CDKAL1: variants seen among roughly 807,000 people sequenced by gnomAD.
The protein encoded by CDKAL1 is CDKAL1 threonylcarbamoyladenosine tRNA methylthiotransferase, also known as threonylcarbamoyladenosine tRNA methylthiotransferase.
In CDKAL1, 32 loss-of-function variants were observed where a neutral mutation model predicts 68.2. That is an observed-to-expected ratio of 0.47 (90% CI 0.35 to 0.63). The LOEUF (loss-of-function observed/expected upper bound fraction) is 0.63, where lower values mean the gene tolerates loss of function less well. Ranked by LOEUF, CDKAL1 falls within the 30% of genes least tolerant of loss-of-function variation. CDKAL1 has a pLI of 0.00. For synonymous variants in CDKAL1, 234 were observed against 244.3 expected (o/e 0.96, Z 0.39); for missense variants, 606 against 696.7 (o/e 0.87, Z 1.47).
At chr6:21,144,368 G>A (rs10498701) in intron 13 of CDKAL1, among the ~76,000 whole-genome samples, 33,828 of 152,080 alleles carry the variant, frequency 0.22, 4,036 homozygotes, top group Non-Finnish European at 0.27. Context: ...ATGAACAACT[G>A]TTTTTAAAGC....
intron 5 of CDKAL1, among the ~76,000 whole-genome samples, chr6:20,686,333 A>G (rs1362329707): frequency 1.3e-5 from 2 of 152,030 alleles, no homozygotes; most frequent in East Asian, 1.9e-4. Flanking sequence ...ATCTGTGTTT[A>G]CAGCTGCTCC....
At chr6:20,594,746 C>G (rs1561951428) in intron 4 of CDKAL1, among the ~76,000 whole-genome samples, 1 of 152,076 alleles carries the variant, frequency 6.6e-6, no homozygotes, top group African/African-American at 2.4e-5. Context: ...TTATTTTGCC[C>G]ATTAGTTGAT....
At chr6:21,119,140 C>T (rs1303851711) in intron 13 of CDKAL1, among the ~76,000 whole-genome samples, 3 of 152,154 alleles carry the variant, frequency 2.0e-5, no homozygotes, top group Non-Finnish European at 4.4e-5. Flanking sequence ...CTTTCCTCCC[C>T]TCCCTTCCTC....
chr6:20,952,180 G>A (rs755395223), intron 9 of CDKAL1, among the ~76,000 whole-genome samples: 12 of 151,836 alleles, frequency 7.9e-5, no homozygotes, highest in Non-Finnish European at 1.8e-4. Context: ...GGATGGTCTC[G>A]ATCTCCTGAC....
At chr6:20,911,534 A>G (rs1002451082) in intron 9 of CDKAL1, among the ~76,000 whole-genome samples, 2 of 152,236 alleles carry the variant, frequency 1.3e-5, no homozygotes, top group African/African-American at 4.8e-5. Context: ...CATGAATTTT[A>G]CCAAGAATTA....
intron 8 of CDKAL1, among the ~76,000 whole-genome samples, chr6:20,845,788 G>A (rs1778354364): frequency 1.3e-5 from 2 of 152,166 alleles, no homozygotes; most frequent in Admixed American, 1.3e-4. Flanking sequence ...ATTAGTCATT[G>A]TAAGCATTTT....
intron 2 of CDKAL1, among the ~76,000 whole-genome samples, chr6:20,538,847 T>C (rs2127644401): frequency 6.6e-6 from 1 of 152,352 alleles, no homozygotes; most frequent in African/African-American, 2.4e-5. Flanking sequence ...ACTTAAGCAT[T>C]GTGTTCATTC....
At chr6:20,705,679 G>A (rs1771562242) in intron 5 of CDKAL1, among the ~76,000 whole-genome samples, 1 of 152,092 alleles carries the variant, frequency 6.6e-6, no homozygotes. Flanking sequence ...CATATATAGG[G>A]TATTCACTTC....
chr6:20,878,820 T>C (rs1760668662), intron 9 of CDKAL1, among the ~76,000 whole-genome samples: 2 of 151,858 alleles, frequency 1.3e-5, no homozygotes, highest in South Asian at 4.2e-4. Context: ...GGCTCACGCC[T>C]GTAATCCCAG....
chr6:20,926,938 TAG>T (rs935570051), intron 9 of CDKAL1, among the ~76,000 whole-genome samples: 1 of 147,886 alleles, frequency 6.8e-6, no homozygotes. Flanking sequence ...TATATATATA[TAG>T]AGAGAGAGAG....
At position 20,768,043 on chromosome 6, in the gene CDKAL1, T is replaced by C. The variant is rs138694530; in HGVS notation, c.517+9400T>C. On this transcript the variant is annotated intron_variant, in intron 7 of 15. Transcript: ENST00000274695. ...AAAGAAATAGGAATTAAAATGTCCT[T>C]ATAAAGGATGCTTTCTAACATTAAA... Among the ~76,000 whole-genome samples the C allele has an allele frequency of 4.7e-3, 715 of 152,310 alleles. 2 individuals are homozygous for C. The highest frequency in any genetic ancestry group is 7.6e-3 in the Non-Finnish European group (516 of 68,006).
At position 21,209,705 on chromosome 6, in the gene CDKAL1, A is replaced by G. The variant is rs113044124; in HGVS notation, c.1548+8431A>G. On this transcript the variant is annotated intron_variant, in intron 15 of 15. Coordinates refer to ENST00000274695, the MANE Select transcript of CDKAL1 (RefSeq NM_017774.3). ...TTAAGAGCAAAAGGGATTCTTTATCATGAAAGCAGTGAATGGAAAAAAAGC... is the reference window on the plus strand; with the variant it reads ...TTAAGAGCAAAAGGGATTCTTTATCGTGAAAGCAGTGAATGGAAAAAAAGC... Among the ~76,000 whole-genome samples, 1,318 of 152,318 alleles carry G rather than the reference A, an allele frequency of 8.7e-3. 15 individuals are homozygous for G. The highest frequency in any genetic ancestry group is 0.029 in the African/African-American group (1,219 of 41,568).
chr6:21,159,101 C>CTTTTT (rs10645059), intron 13 of CDKAL1, among the ~76,000 whole-genome samples: 2 of 135,808 alleles, frequency 1.5e-5, no homozygotes, highest in African/African-American at 5.5e-5. Flanking sequence ...CTGAAACCTC[C>CTTTTT]TTTTTTTTTT....
intron 4 of CDKAL1, among the ~76,000 whole-genome samples, chr6:20,581,044 C>T (rs1320851461): frequency 6.6e-6 from 1 of 152,184 alleles, no homozygotes; most frequent in African/African-American, 2.4e-5. Flanking sequence ...CCACCTTGGC[C>T]TCCCAAAGTG....
chr6:20,888,696 G>A (rs1204320180), intron 9 of CDKAL1, among the ~76,000 whole-genome samples: 3 of 151,694 alleles, frequency 2.0e-5, no homozygotes, highest in Non-Finnish European at 4.4e-5. Flanking sequence ...CAAAGGACAT[G>A]AACTCATCAT....
Position 20,799,976 on chromosome 6 carries a change from A to G in CDKAL1, c.638+18711A>G, listed in dbSNP as rs78661070. Among the ~76,000 whole-genome samples the G allele has an allele frequency of 8.5e-5, 13 of 152,336 alleles. No individual in the cohort carries two copies. The East Asian group carries it at 2.5e-3, about 29-fold the overall frequency. ...TGCGAAATCTTAATCAGGCCCTTAT[A>G]TTTACCATTGAATCATCTTAGCCAT... On this transcript the variant is annotated intron_variant, in intron 8 of 15. Transcript: ENST00000274695.
At position 20,568,747 on chromosome 6, in the gene CDKAL1, A is replaced by AC. The variant is rs909142203; in HGVS notation, c.286+20042_286+20043insC. Among the ~76,000 whole-genome samples the AC allele has an allele frequency of 4.9e-5, 4 of 82,278 alleles. No individual in the cohort carries two copies. In the South Asian group the frequency reaches 1.4e-3, roughly 28 times the overall value. 54.0% of individuals were successfully genotyped at this position (82,278 alleles called of 152,430 possible). On this transcript the variant is annotated intron_variant, in intron 4 of 15. Transcript: ENST00000274695. ...GAGACTCCGCCTCAAAAAAAAAAAA[A>AC]AAACAAAAAAACAAAAAAACAAAGA...
At chr6:20,937,648 C>A (rs930578767) in intron 9 of CDKAL1, among the ~76,000 whole-genome samples, 1 of 152,136 alleles carries the variant, frequency 6.6e-6, no homozygotes, top group African/African-American at 2.4e-5. Context: ...ATGTGCTGGT[C>A]AATTATTTTA....
chr6:20,783,079 G>A (rs890851891), intron 8 of CDKAL1, among the ~76,000 whole-genome samples: 10 of 152,030 alleles, frequency 6.6e-5, no homozygotes, highest in Admixed American at 3.9e-4. Context: ...ACAGGTGCAC[G>A]CCACCATGCC....
Sources: allele counts gnomAD v4.1 joint callset (sites outside exome capture counted in the v4.1 genomes callset), GRCh38; gene constraint gnomAD v4.1.1; transcripts MANE v1.5; gene names NCBI Gene and HGNC (gene_info 2026-07-23, HGNC 2026-07-21).